Variants in KLHL29 observed in about 807,000 individuals in gnomAD.
The protein encoded by KLHL29 is kelch-like protein 29.
In KLHL29, 21 loss-of-function variants were observed where a neutral mutation model predicts 80.4. The observed-to-expected ratio is 0.26, with a 90% CI of 0.19 to 0.38. The LOEUF (loss-of-function observed/expected upper bound fraction) is 0.38, where lower values mean the gene tolerates loss of function less well. KLHL29 is among the 10% of genes least tolerant of loss of function. KLHL29 has a pLI of 1.00. For synonymous variants in KLHL29, 511 were observed against 526.8 expected, an observed-to-expected ratio of 0.97 and a Z score of 0.41; for missense variants, 867 against 1,223.9, an observed-to-expected ratio of 0.71 and a Z score of 4.35.
intron 3 of KLHL29, among the ~76,000 whole-genome samples, chr2:23,570,226 A>G (rs542687601): frequency 6.6e-6 from 1 of 152,278 alleles, no homozygotes; most frequent in East Asian, 1.9e-4. Flanking sequence ...TTTCCTATTG[A>G]TGGCAGCAAA....
intron 3 of KLHL29, among the ~76,000 whole-genome samples, chr2:23,603,192 C>T (rs1668618022): frequency 2.0e-5 from 3 of 152,142 alleles, no homozygotes; most frequent in Admixed American, 2.0e-4. Context: ...CTTCCCTGGA[C>T]CCTGGAACCG....
chr2:23,581,139 G>A (rs573892280), intron 3 of KLHL29, among the ~76,000 whole-genome samples: 1 of 151,780 alleles, frequency 6.6e-6, no homozygotes, highest in Admixed American at 6.6e-5. Flanking sequence ...AAGGAGTGTA[G>A]CATTTAAACA....
chr2:23,465,263 G>T (rs1411293795), intron 1 of KLHL29, among the ~76,000 whole-genome samples: 1 of 152,176 alleles, frequency 6.6e-6, no homozygotes, highest in East Asian at 1.9e-4. Context: ...GTGCTGATGG[G>T]AGCCCTGGCA....
At chr2:23,535,943 A>G (rs1283455324) in intron 2 of KLHL29, among the ~76,000 whole-genome samples, 1 of 152,206 alleles carries the variant, frequency 6.6e-6, no homozygotes, top group Non-Finnish European at 1.5e-5. Context: ...AAAAAGAATA[A>G]AGAAGAGCAA....
rs1319892107 is a variant in KLHL29, at chr2:23,706,626, G to A, written c.2590G>A (p.Gly864Ser). ...CATGCCCTGCCCTGTGTTCAGACAC[G>A]GCTGCGTCGTGATAAAGAAATATAT... is the stretch of plus-strand genomic sequence containing the variant. ...PHMPCPVFRH[G>S]CVVIKKYIQS... The change falls in exon 14 of 14, where the codon GGC becomes AGC. Residue 864 changes from glycine to serine, a missense_variant. Physicochemically the swap from Gly to Ser is moderately conservative, Grantham distance 56 (BLOSUM62 0). Coordinates refer to ENST00000486442, the MANE Select transcript of KLHL29 (RefSeq NM_052920.2). The A allele has an allele frequency of 5.2e-6, 8 of 1,534,914 alleles. No individual in the cohort carries two copies. Among genetic ancestry groups the A allele is most frequent in the South Asian group, 2.4e-5 (2 of 83,536 alleles).
At chr2:23,525,733 C>G (rs981407784) in intron 2 of KLHL29, among the ~76,000 whole-genome samples, 8 of 129,474 alleles carry the variant, frequency 6.2e-5, no homozygotes, top group Admixed American at 5.4e-4. Context: ...CCTGCCCCCC[C>G]CCCCCACCCG....
intron 1 of KLHL29, among the ~76,000 whole-genome samples, chr2:23,404,067 A>G (rs908420002): frequency 7.9e-5 from 12 of 152,160 alleles, no homozygotes; most frequent in Non-Finnish European, 1.5e-4. Context: ...GTTTTAATAG[A>G]AGGCTTTACC....
At chr2:23,643,185 A>C (rs2149159254) in intron 5 of KLHL29, 2 of 483,698 alleles carry the variant, frequency 4.1e-6, no homozygotes, top group South Asian at 1.9e-5. Context: ...GCCAAGCTGC[A>C]AAAGGGTGAG....
At chr2:23,643,108 A>G in intron 5 of KLHL29, 1 of 631,126 alleles carries the variant, frequency 1.6e-6, no homozygotes, top group Non-Finnish European at 2.9e-6. Flanking sequence ...GAGAGCCTGC[A>G]AAGCCCAGAG....
At chr2:23,479,664 A>T (rs1293807979) in intron 2 of KLHL29, among the ~76,000 whole-genome samples, 1 of 151,992 alleles carries the variant, frequency 6.6e-6, no homozygotes, top group Non-Finnish European at 1.5e-5. Context: ...CTGCTGTCTG[A>T]TTCACATATC....
chr2:23,618,959 A>C (rs1187136958), intron 3 of KLHL29, among the ~76,000 whole-genome samples: 1 of 152,214 alleles, frequency 6.6e-6, no homozygotes, highest in Non-Finnish European at 1.5e-5. Context: ...TGTGAATAGA[A>C]ATGAGGATGC....
At position 23,562,092 on chromosome 2, in the gene KLHL29, G is replaced by A; in HGVS notation, c.-45-60G>A. 7.5e-7 allele frequency: 1 copy of A among 1,340,940 alleles called. No homozygotes were observed. Among genetic ancestry groups the A allele is most frequent in the Non-Finnish European group, 1.0e-6 (1 of 976,824 alleles). 83.1% of individuals were successfully genotyped at this position (1,340,940 alleles called of 1,614,324 possible). Reference sequence around the variant, plus strand: ...CCAGAGAAGGGGCTTCATGGATGCTGTCAGTTGTCGCTGCCTGCTCCAGTC... The same window carrying A: ...CCAGAGAAGGGGCTTCATGGATGCTATCAGTTGTCGCTGCCTGCTCCAGTC... On this transcript the variant is annotated intron_variant, in intron 2 of 13. Transcript: ENST00000486442. The surrounding 1 kb of genome is among the most constrained non-coding windows in gnomAD (Gnocchi z 4.5).
At chr2:23,487,084 G>C (rs1037996011) in intron 2 of KLHL29, among the ~76,000 whole-genome samples, 1 of 152,208 alleles carries the variant, frequency 6.6e-6, no homozygotes, top group Non-Finnish European at 1.5e-5. Flanking sequence ...GTTCACATCT[G>C]TATGATGTGA....
At chr2:23,492,366 G>T (rs980052219) in intron 2 of KLHL29, among the ~76,000 whole-genome samples, 7 of 152,286 alleles carry the variant, frequency 4.6e-5, no homozygotes, top group Non-Finnish European at 8.8e-5. Flanking sequence ...TGTTAGACCG[G>T]TTTGGGGCTG....
At chr2:23,492,967 A>G (rs1665150401) in intron 2 of KLHL29, among the ~76,000 whole-genome samples, 1 of 152,218 alleles carries the variant, frequency 6.6e-6, no homozygotes, top group East Asian at 1.9e-4. Context: ...GCAGCTGTAT[A>G]ACCTTGGGCA....
At chr2:23,599,470 T>A (rs964802313) in intron 3 of KLHL29, among the ~76,000 whole-genome samples, 1 of 151,674 alleles carries the variant, frequency 6.6e-6, no homozygotes, top group Non-Finnish European at 1.5e-5. Context: ...ATAGATATTT[T>A]AAAAATATAT....
intron 1 of KLHL29, among the ~76,000 whole-genome samples, chr2:23,450,059 G>A (rs1663826210): frequency 6.6e-6 from 1 of 152,192 alleles, no homozygotes; most frequent in South Asian, 2.1e-4. Context: ...GACATCTCAA[G>A]CGGCAAGCTC....
At chr2:23,423,446 A>C (rs1355942612) in intron 1 of KLHL29, among the ~76,000 whole-genome samples, 2 of 152,190 alleles carry the variant, frequency 1.3e-5, no homozygotes, top group African/African-American at 2.4e-5. Flanking sequence ...TTTGCATTCA[A>C]ATCCTCTCTG....
At chr2:23,390,650 CTTTTTT>C (rs70941576) in intron 1 of KLHL29, among the ~76,000 whole-genome samples, 2 of 120,234 alleles carry the variant, frequency 1.7e-5, no homozygotes, top group Admixed American at 9.3e-5. Flanking sequence ...ACCATCTTTA[CTTTTTT>C]TTTTTTTTTT....
Sources: allele counts gnomAD v4.1 joint callset (sites outside exome capture counted in the v4.1 genomes callset), GRCh38; gene constraint gnomAD v4.1.1; non-coding constraint Gnocchi (gnomAD v3.1); transcripts MANE v1.5; gene names NCBI Gene and HGNC (gene_info 2026-07-23, HGNC 2026-07-21).